The following CA10 variants were observed in gnomAD, a reference collection of about 807,000 sequenced individuals.
The protein encoded by CA10 is carbonic anhydrase 10 (inactive).
In CA10, 14 loss-of-function variants were observed where a neutral mutation model predicts 44.2. The ratio of observed to expected loss-of-function variants is 0.32; its 90% CI spans 0.21 to 0.50. The LOEUF is 0.50. CA10 is among the 20% of genes least tolerant of loss of function. The pLI is 0.99. For missense variants in CA10, 350 were observed against 409.7 expected (o/e 0.85, Z 1.26); for synonymous variants, 159 against 141.6 (o/e 1.12, Z -0.87).
chr17:52,047,370 T>C (rs1318877632), intron 2 of CA10, among the ~76,000 whole-genome samples: 2 of 152,040 alleles, frequency 1.3e-5, no homozygotes, highest in Admixed American at 6.6e-5. Context: ...ATCCTGCTTT[T>C]ACAGCACTGT....
At chr17:51,890,756 T>C (rs943101397) in intron 3 of CA10, among the ~76,000 whole-genome samples, 3 of 152,236 alleles carry the variant, frequency 2.0e-5, no homozygotes, top group African/African-American at 7.2e-5. Flanking sequence ...CTAGGCTCTG[T>C]AGAGGACTGA....
chr17:52,008,278 A>C (rs1475096759), intron 2 of CA10, among the ~76,000 whole-genome samples: 2 of 151,834 alleles, frequency 1.3e-5, no homozygotes, highest in African/African-American at 4.8e-5. Flanking sequence ...ATTTGACTAT[A>C]CTCCAAATAG....
At chr17:51,957,539 G>A (rs1446607382) in intron 2 of CA10, among the ~76,000 whole-genome samples, 1 of 152,050 alleles carries the variant, frequency 6.6e-6, no homozygotes, top group African/African-American at 2.4e-5. Context: ...CATAGAGGGT[G>A]GATGCAAGTG....
chr17:51,892,174 T>C (rs1980887077), intron 3 of CA10, among the ~76,000 whole-genome samples: 1 of 152,194 alleles, frequency 6.6e-6, no homozygotes. Flanking sequence ...TGCAGAGACA[T>C]GAAGTGCCGG....
intron 1 of CA10, among the ~76,000 whole-genome samples, chr17:52,104,506 C>T (rs777724552): frequency 6.6e-6 from 1 of 150,552 alleles, no homozygotes; most frequent in Non-Finnish European, 1.5e-5. Context: ...GCCTGGCCCT[C>T]CTGCCTTGTT....
In CA10 at chr17:51,942,538, T is replaced by TTATATATATATA. The variant is rs10549926; in HGVS notation, c.137-11418_137-11407dup. ...AGCCAGGAAGGAAATCTTGCAGGCA[T>TTATATATATATA]TATATATATATATATATCTGTCATC... On this transcript the variant is annotated intron_variant, in intron 2 of 8. Coordinates refer to ENST00000451037, the MANE Select transcript of CA10 (RefSeq NM_020178.5). Among the ~76,000 whole-genome samples, 110 of 135,210 alleles carry TTATATATATATA rather than the reference T, an allele frequency of 8.1e-4. 7 individuals carry two copies. Among genetic ancestry groups the TTATATATATATA allele is most frequent in the South Asian group, 5.1e-3 (18 of 3,522 alleles). 88.7% of individuals were successfully genotyped at this position (135,210 alleles called of 152,430 possible).
At chr17:51,794,791 A>G (rs1020504334) in intron 3 of CA10, among the ~76,000 whole-genome samples, 7 of 152,196 alleles carry the variant, frequency 4.6e-5, no homozygotes, top group Non-Finnish European at 8.8e-5. Context: ...ACAACCCAGG[A>G]AATGTAGTAA....
intron 2 of CA10, among the ~76,000 whole-genome samples, chr17:52,021,163 T>G (rs1017576780): frequency 6.6e-6 from 1 of 152,118 alleles, no homozygotes; most frequent in African/African-American, 2.4e-5. Context: ...GAATGGCATT[T>G]TTTAAGAATT....
chr17:52,118,749 A>C (rs1988951043), intron 1 of CA10, among the ~76,000 whole-genome samples: 1 of 152,164 alleles, frequency 6.6e-6, no homozygotes. Context: ...TATTATGTTA[A>C]GTTATTGTAA....
intron 2 of CA10, among the ~76,000 whole-genome samples, chr17:51,936,569 G>T (rs76108620): frequency 6.6e-6 from 1 of 152,082 alleles, no homozygotes; most frequent in African/African-American, 2.4e-5. Flanking sequence ...GAAGTCAGTC[G>T]ACTTGAGCCT....
intron 3 of CA10, among the ~76,000 whole-genome samples, chr17:51,761,087 G>A (rs1046967421): frequency 2.0e-5 from 3 of 152,122 alleles, no homozygotes; most frequent in Admixed American, 6.5e-5. Context: ...TCCCTTATGC[G>A]AACACAGCTA....
chr17:51,764,134 A>G (rs999133464), intron 3 of CA10, among the ~76,000 whole-genome samples: 2 of 152,138 alleles, frequency 1.3e-5, no homozygotes, highest in African/African-American at 4.8e-5. Flanking sequence ...TGCATCTTAA[A>G]TGGATGATAC....
At chr17:51,951,513 CT>C (rs1187089063) in intron 2 of CA10, among the ~76,000 whole-genome samples, 1 of 152,138 alleles carries the variant, frequency 6.6e-6, no homozygotes, top group African/African-American at 2.4e-5. Flanking sequence ...TAACAATCAT[CT>C]TTGGTAACAA....
chr17:51,633,098 T>C (rs907452849), intron 8 of CA10, among the ~76,000 whole-genome samples: 1 of 128,646 alleles, frequency 7.8e-6, no homozygotes, highest in Non-Finnish European at 1.7e-5. Flanking sequence ...TGGGCTCTTT[T>C]GAAAAATGGC....
At chr17:52,002,908 A>G (rs932979158) in intron 2 of CA10, among the ~76,000 whole-genome samples, 7 of 151,980 alleles carry the variant, frequency 4.6e-5, no homozygotes, top group African/African-American at 1.7e-4. Flanking sequence ...CAAGCTCTAA[A>G]GTTGGAATTT....
At chr17:51,646,796 A>G (rs978853429) in intron 6 of CA10, among the ~76,000 whole-genome samples, 1 of 152,214 alleles carries the variant, frequency 6.6e-6, no homozygotes, top group Non-Finnish European at 1.5e-5. Context: ...TTTCTGCCGC[A>G]GTGTCCTGGG....
At chr17:51,929,577 T>A (rs995617486) in intron 3 of CA10, among the ~76,000 whole-genome samples, 1 of 152,156 alleles carries the variant, frequency 6.6e-6, no homozygotes, top group Non-Finnish European at 1.5e-5. Flanking sequence ...TTGCCTAGAA[T>A]GCAATTATCC....
intron 3 of CA10, among the ~76,000 whole-genome samples, chr17:51,748,773 C>T (rs963936649): frequency 6.6e-6 from 1 of 152,172 alleles, no homozygotes; most frequent in African/African-American, 2.4e-5. Flanking sequence ...GAAGGGCTTC[C>T]TGTACCTTCT....
intron 2 of CA10, among the ~76,000 whole-genome samples, chr17:51,932,108 C>T (rs148614419): frequency 2.0e-5 from 3 of 152,072 alleles, no homozygotes; most frequent in East Asian, 1.9e-4. Context: ...GGCTGAATCT[C>T]GAGGAAGGCA....
Sources: gnomAD v4.1 joint callset for allele counts (sites outside exome capture counted in the v4.1 genomes callset) on GRCh38, gnomAD v4.1.1 for gene constraint, MANE v1.5 for transcripts, NCBI Gene and HGNC (gene_info 2026-07-23, HGNC 2026-07-21) for gene names.